The following TIFAB variants were observed in gnomAD, a reference collection of about 807,000 sequenced individuals.
TIFAB encodes TRAF-interacting protein with FHA domain-containing protein B.
For synonymous variants in TIFAB, 116 were observed against 95.2 expected (o/e 1.22, Z -1.27); for missense variants, 222 against 203.6 (o/e 1.09, Z -0.55).
intron 1 of TIFAB, among the ~76,000 whole-genome samples, chr5:135,451,806 G>T (rs1769366230): frequency 6.6e-6 from 1 of 152,232 alleles, no homozygotes; most frequent in Non-Finnish European, 1.5e-5. Flanking sequence ...CTCGAGGTAT[G>T]CGTTACAGGC....
intron 1 of TIFAB, among the ~76,000 whole-genome samples, chr5:135,450,159 C>G (rs1351147134): frequency 6.6e-6 from 1 of 152,242 alleles, no homozygotes; most frequent in African/African-American, 2.4e-5. Flanking sequence ...GCCACCCACT[C>G]TGTCTGACTT....
At position 135,448,493 on chromosome 5, in the gene TIFAB, C is replaced by T. The variant is rs1387664454; in HGVS notation, c.*961G>A. 1 of 151,600 alleles carries T rather than the reference C, an allele frequency of 6.6e-6. No individual in the cohort carries two copies. Among genetic ancestry groups the T allele is most frequent in the African/African-American group, 2.4e-5 (1 of 41,204 alleles). The allele number at this position is 151,600 out of a possible 1,614,324, so 9.4% of individuals were successfully genotyped here. A position where few individuals can be genotyped will look rare whatever the true frequency, so the allele number is the denominator to read the frequency against. ...CCCTTATTTGGAAGGAATTCCCCCA[C>T]CCCCATTGGTGTGTGACTCACCCTG... is the stretch of plus-strand genomic sequence containing the variant. On this transcript the variant is annotated 3_prime_UTR_variant, in exon 2 of 2. Coordinates refer to ENST00000537858, the MANE Select transcript of TIFAB (RefSeq NM_001099221.2).
rs545786949 is a variant in TIFAB at position 135,447,494 on chromosome 5, C to T, written c.*1960G>A. On this transcript the variant is annotated 3_prime_UTR_variant, in exon 2 of 2. Transcript: ENST00000537858. ...TTTACAGGTGTCACCTTCTAAGACC[C>T]TCGTAACTCTAGCAGGTAGTACTAT... The T allele has an allele frequency of 9.1e-6, 2 of 218,630 alleles. No individual in the cohort carries two copies. Among genetic ancestry groups the T allele is most frequent in the African/African-American group, 4.7e-5 (2 of 42,948 alleles). 13.5% of individuals were successfully genotyped at this position (218,630 alleles called of 1,614,324 possible). A position where few individuals can be genotyped will look rare whatever the true frequency, so the allele number is the denominator to read the frequency against.
rs959272512 is a variant in TIFAB at position 135,449,848 on chromosome 5, T to C, written c.92A>G (p.His31Arg). The stretch of plus-strand genomic sequence containing the variant: ...TCCGAGAAGCAGAGGGCTGGTATCA[T>C]GCTGCAGCCGTGGTGGGACATTGGC... ...AFANVPPRLQ[H>R]DTSPLLLGRG... is the part of the protein sequence containing the mutation. Residue 31 changes from histidine (H) to arginine (R), a missense_variant, in exon 2 of 2, where the codon CAT becomes CGT. Coordinates refer to ENST00000537858, the MANE Select transcript of TIFAB (RefSeq NM_001099221.2). 1 of 1,597,434 alleles carries C rather than the reference T, an allele frequency of 6.3e-7. No homozygotes were observed.
Position 135,446,494 on chromosome 5 carries a change from C to T in TIFAB, c.*2960G>A, listed in dbSNP as rs778257691. On this transcript the variant is annotated 3_prime_UTR_variant, in exon 2 of 2. Transcript: ENST00000537858. ...AGGTGAGGGATAGTGATATCAAGTG[C>T]GAAGACCAGGCCCTGAAGCCAGCCT... The T allele has an allele frequency of 1.2e-5, 19 of 1,613,820 alleles. No individual in the cohort carries two copies. Among genetic ancestry groups the T allele is most frequent in the Middle Eastern group, 1.6e-4 (1 of 6,084 alleles).
rs1769233433 is a variant in TIFAB, at chr5:135,445,201, A to T, written c.*4253T>A. 1 of 152,100 alleles carries T rather than the reference A, an allele frequency of 6.6e-6. No homozygotes were observed. Among genetic ancestry groups the T allele is most frequent in the Non-Finnish European group, 1.5e-5 (1 of 68,048 alleles). 9.4% of individuals were successfully genotyped at this position (152,100 alleles called of 1,614,324 possible). On this transcript the variant is annotated 3_prime_UTR_variant, in exon 2 of 2. Transcript: ENST00000537858. ...TGAGAACTGTCTCTCTGTGACATGC[A>T]CCCTGTCAAATCCATAAACCTTCCT...
Position 135,447,013 on chromosome 5 carries a change from C to T in TIFAB, c.*2441G>A, listed in dbSNP as rs1238500141. The T allele has an allele frequency of 4.3e-6, 7 of 1,613,614 alleles. No individual in the cohort carries two copies. The Admixed American group carries it at 1.0e-4, about 23-fold the overall frequency. ...GGCACCCTGGGAACTCTGGGGTTTCCCCACCAGCTCCTCTCTCCAGTCTTT... is the reference window on the plus strand; with the variant it reads ...GGCACCCTGGGAACTCTGGGGTTTCTCCACCAGCTCCTCTCTCCAGTCTTT... On this transcript the variant is annotated 3_prime_UTR_variant, in exon 2 of 2. Coordinates refer to ENST00000537858, the MANE Select transcript of TIFAB (RefSeq NM_001099221.2).
At position 135,449,643 on chromosome 5, in the gene TIFAB, C is replaced by T. The variant is rs1436214687; in HGVS notation, c.297G>A (p.Leu99=). Residue 99 remains leucine (L), a synonymous_variant, in exon 2 of 2, where the codon CTG becomes CTA. Coordinates refer to ENST00000537858, the MANE Select transcript of TIFAB (RefSeq NM_001099221.2). ...AGAAGGAGACCCTGTTGACGGTGCTCAGGGGGACCTGCTCCAGGTACCTCA... is the reference window on the plus strand; with the variant it reads ...AGAAGGAGACCCTGTTGACGGTGCTTAGGGGGACCTGCTCCAGGTACCTCA... ...LTLRYLEQVP[L]STVNRVSFSG... The T allele has an allele frequency of 1.2e-6, 2 of 1,614,214 alleles. No individual in the cohort carries two copies. The highest frequency in any genetic ancestry group is 2.2e-5 in the South Asian group (2 of 91,084).
chr5:135,449,111 C>T lies in TIFAB; in HGVS notation c.*343G>A. 1 of 294,006 alleles carries T rather than the reference C, an allele frequency of 3.4e-6. No individual in the cohort carries two copies. Among genetic ancestry groups the T allele is most frequent in the Non-Finnish European group, 6.5e-6 (1 of 153,544 alleles). The allele number at this position is 294,006 out of a possible 1,614,324, so 18.2% of individuals were successfully genotyped here. A position where few individuals can be genotyped will look rare whatever the true frequency, so the allele number is the denominator to read the frequency against. On this transcript the variant is annotated 3_prime_UTR_variant, in exon 2 of 2. Transcript: ENST00000537858. ...ATGCTGAGAGAGGCTCCCCAGAACCCCTCAGGGCCTCTAAAAGTATATGAT... is the reference window on the plus strand; with the variant it reads ...ATGCTGAGAGAGGCTCCCCAGAACCTCTCAGGGCCTCTAAAAGTATATGAT...
Position 135,449,411 on chromosome 5 carries a change from G to A in TIFAB, c.*43C>T. On this transcript the variant is annotated 3_prime_UTR_variant, in exon 2 of 2. Transcript: ENST00000537858. ...TCTTGGCTGGAGAGGGCTGTCCCAA[G>A]TCTGGGAAGGGCCGTGGAGAAACCC... 6.2e-7 allele frequency: 1 copy of A among 1,601,546 alleles called. No individual in the cohort carries two copies. The highest frequency in any genetic ancestry group is 8.5e-7 in the Non-Finnish European group (1 of 1,173,928).
At chr5:135,450,465 T>C (rs1769345172) in intron 1 of TIFAB, 1 of 152,712 alleles carries the variant, frequency 6.5e-6, no homozygotes, top group African/African-American at 2.4e-5. Flanking sequence ...AGGAGAGAGG[T>C]GTTTCTAGCA....
Position 135,447,475 on chromosome 5 carries a change from G to A in TIFAB, c.*1979C>T, listed in dbSNP as rs1303730553. The A allele has an allele frequency of 7.9e-6, 2 of 252,058 alleles. No homozygotes were observed. Among genetic ancestry groups the A allele is most frequent in the Non-Finnish European group, 1.5e-5 (2 of 131,968 alleles). 15.6% of individuals were successfully genotyped at this position (252,058 alleles called of 1,614,324 possible). A position where few individuals can be genotyped will look rare whatever the true frequency, so the allele number is the denominator to read the frequency against. On this transcript the variant is annotated 3_prime_UTR_variant, in exon 2 of 2. Coordinates refer to ENST00000537858, the MANE Select transcript of TIFAB (RefSeq NM_001099221.2). ...CTGGGCACTGATTGAATGCTTTACA[G>A]GTGTCACCTTCTAAGACCCTCGTAA...
chr5:135,445,030 C>T lies in TIFAB; in HGVS notation c.*4424G>A, dbSNP rs900968547. On this transcript the variant is annotated 3_prime_UTR_variant, in exon 2 of 2. Transcript: ENST00000537858. ...CCCAGGGGTGGAGAGAGGGGTCAGACTAGAACCTATGGAGACTTGGTGGGC... is the reference window on the plus strand; with the variant it reads ...CCCAGGGGTGGAGAGAGGGGTCAGATTAGAACCTATGGAGACTTGGTGGGC... 2.0e-5 allele frequency: 3 copies of T among 152,298 alleles called. No individual in the cohort carries two copies. Among genetic ancestry groups the T allele is most frequent in the African/African-American group, 7.2e-5 (3 of 41,424 alleles). 9.4% of individuals were successfully genotyped at this position (152,298 alleles called of 1,614,324 possible). A position where few individuals can be genotyped will look rare whatever the true frequency, so the allele number is the denominator to read the frequency against.
In TIFAB at chr5:135,448,901, C is replaced by T. The variant is rs563198331; in HGVS notation, c.*553G>A. The T allele has an allele frequency of 3.0e-4, 47 of 159,148 alleles. No individual in the cohort carries two copies. The highest frequency in any genetic ancestry group is 5.2e-4 in the Non-Finnish European group (37 of 71,430). 9.9% of individuals were successfully genotyped at this position (159,148 alleles called of 1,614,324 possible). ...ATACTTGCAGTTTATTACACTCAGG[C>T]TTTCCTAAGCCCCGCGTGCCTGTGG... On this transcript the variant is annotated 3_prime_UTR_variant, in exon 2 of 2. Coordinates refer to ENST00000537858, the MANE Select transcript of TIFAB (RefSeq NM_001099221.2).
Position 135,449,215 on chromosome 5 carries a change from G to T in TIFAB, c.*239C>A. The stretch of plus-strand genomic sequence containing the variant: ...CTGTTTGTTCGGTGTTTGCAGAATT[G>T]GTTCATTATGAGCAAGGCAGCCAGT... On this transcript the variant is annotated 3_prime_UTR_variant, in exon 2 of 2. Coordinates refer to ENST00000537858, the MANE Select transcript of TIFAB (RefSeq NM_001099221.2). 1 of 603,128 alleles carries T rather than the reference G, an allele frequency of 1.7e-6. No individual in the cohort carries two copies. The highest frequency in any genetic ancestry group is 3.0e-5 in the East Asian group (1 of 33,264). The allele number at this position is 603,128 out of a possible 1,614,324, so 37.4% of individuals were successfully genotyped here. A position where few individuals can be genotyped will look rare whatever the true frequency, so the allele number is the denominator to read the frequency against.
chr5:135,445,036 C>T lies in TIFAB; in HGVS notation c.*4418G>A, dbSNP rs2150031407. 6.6e-6 allele frequency: 1 copy of T among 152,366 alleles called. No homozygotes were observed. The highest frequency in any genetic ancestry group is 1.9e-4 in the East Asian group (1 of 5,166). 9.4% of individuals were successfully genotyped at this position (152,366 alleles called of 1,614,324 possible). The stretch of plus-strand genomic sequence containing the variant: ...GGTGGAGAGAGGGGTCAGACTAGAA[C>T]CTATGGAGACTTGGTGGGCAACAGG... On this transcript the variant is annotated 3_prime_UTR_variant, in exon 2 of 2. Coordinates refer to ENST00000537858, the MANE Select transcript of TIFAB (RefSeq NM_001099221.2).
rs1469659922 is a variant in TIFAB at position 135,446,237 on chromosome 5, G to C, written c.*3217C>G. The C allele has an allele frequency of 1.2e-5, 12 of 1,009,770 alleles. No homozygotes were observed. In the Admixed American group the frequency reaches 1.5e-4, roughly 12 times the overall value. 62.6% of individuals were successfully genotyped at this position (1,009,770 alleles called of 1,614,324 possible). ...CCAGGATCACAGAACTATAGTAAGT[G>C]GGGGTGGGGACAAGAATTCTAACCC... On this transcript the variant is annotated 3_prime_UTR_variant, in exon 2 of 2. Coordinates refer to ENST00000537858, the MANE Select transcript of TIFAB (RefSeq NM_001099221.2).
In TIFAB at chr5:135,446,399, C is replaced by T. The variant is rs768764449; in HGVS notation, c.*3055G>A. On this transcript the variant is annotated 3_prime_UTR_variant, in exon 2 of 2. Transcript: ENST00000537858. ...TCACTCAGGCACGTGGGCTGCCCTG[C>T]GGTGGGAGCTGAGAGAATGCAGTGG... 9.1e-5 allele frequency: 146 copies of T among 1,606,676 alleles called. No homozygotes were observed. Among genetic ancestry groups the T allele is most frequent in the Non-Finnish European group, 1.1e-4 (127 of 1,174,488 alleles).
chr5:135,449,292 T>C lies in TIFAB; in HGVS notation c.*162A>G. ...TGCAGCTCAAGTATTTCAAATCCTG[T>C]TTCATCTAGCAAAGGCTTGCTCTAG... On this transcript the variant is annotated 3_prime_UTR_variant, in exon 2 of 2. Transcript: ENST00000537858. 1.9e-6 allele frequency: 2 copies of C among 1,044,634 alleles called. No individual in the cohort carries two copies. The highest frequency in any genetic ancestry group is 2.6e-5 in the East Asian group (1 of 39,004). The allele number at this position is 1,044,634 out of a possible 1,614,324, so 64.7% of individuals were successfully genotyped here.
Sources: gnomAD v4.1 joint callset for allele counts (sites outside exome capture counted in the v4.1 genomes callset) on GRCh38, gnomAD v4.1.1 for gene constraint, MANE v1.5 for transcripts, NCBI Gene and HGNC (gene_info 2026-07-23, HGNC 2026-07-21) for gene names.